The following RPUSD2 variants were observed in gnomAD, a reference collection of about 807,000 sequenced individuals.
RPUSD2 encodes the protein RNA pseudouridine synthase domain containing 2, also known as pseudouridylate synthase RPUSD2.
Under a neutral mutation model 41.5 loss-of-function variants are expected in RPUSD2, and 31 were observed. That is an observed-to-expected ratio of 0.75 (90% CI 0.56 to 1.01). The LOEUF is 1.01. Ranked by LOEUF, RPUSD2 falls within the 50% of genes least tolerant of loss-of-function variation. RPUSD2 has a pLI of 0.00. For synonymous variants in RPUSD2, 305 were observed against 289.7 expected, an observed-to-expected ratio of 1.05 and a Z score of -0.54; for missense variants, 749 against 724.7, an observed-to-expected ratio of 1.03 and a Z score of -0.38.
chr15:40,569,839 A>T lies in RPUSD2; in HGVS notation c.502A>T (p.Thr168Ser). The T allele has an allele frequency of 6.2e-7, 1 of 1,612,762 alleles. No individual in the cohort carries two copies. The highest frequency in any genetic ancestry group is 8.5e-7 in the Non-Finnish European group (1 of 1,179,610). ...VGHSLLHVFS[T>S]EFRAQPLAYY... ...CCACAGCTTGCTGCACGTCTTCAGTACCGAGTTCCGAGCTCAGCCCCTGGC... is the reference window on the plus strand; with the variant it reads ...CCACAGCTTGCTGCACGTCTTCAGTTCCGAGTTCCGAGCTCAGCCCCTGGC... Residue 168 changes from threonine (T) to serine (S), a missense_variant, in exon 1 of 3, where the codon ACC (threonine) becomes TCC (serine). Coordinates refer to ENST00000315616, the MANE Select transcript of RPUSD2 (RefSeq NM_152260.3).
In RPUSD2 at chr15:40,573,578, G is replaced by C. The variant is rs370352484; in HGVS notation, c.955G>C (p.Val319Leu). The change falls in exon 3 of 3, where the codon GTG becomes CTG. Residue 319 changes from valine (V) to leucine (L), a missense_variant. By Grantham distance (32) the Val-to-Leu change is conservative. Transcript: ENST00000315616. ...RVEGEFPTEE[V>L]TCKEPILVVS... ...GGAAGGGGAGTTCCCCACTGAGGAA[G>C]TGACCTGTAAAGAACCCATCTTAGT... The C allele has an allele frequency of 7.4e-6, 12 of 1,614,080 alleles. No individual in the cohort carries two copies. Among genetic ancestry groups the C allele is most frequent in the Non-Finnish European group, 9.3e-6 (11 of 1,180,026 alleles).
Position 40,573,779 on chromosome 15 carries a change from G to A in RPUSD2, c.1156G>A (p.Asp386Asn), listed in dbSNP as rs776524916. 3.7e-6 allele frequency: 6 copies of A among 1,614,068 alleles called. No homozygotes were observed. Among genetic ancestry groups the A allele is most frequent in the Non-Finnish European group, 5.1e-6 (6 of 1,180,048 alleles). Residue 386 changes from aspartate to asparagine, a missense_variant, in exon 3 of 3, where the codon GAC (aspartate) becomes AAC (asparagine). Coordinates refer to ENST00000315616, the MANE Select transcript of RPUSD2 (RefSeq NM_152260.3). ...GTTCTTGGGCCATCCCATTCTCAACGACCCCATCTACAACTCAGTTGCCTG... is the reference window on the plus strand; with the variant it reads ...GTTCTTGGGCCATCCCATTCTCAACAACCCCATCTACAACTCAGTTGCCTG... Reference protein sequence around the residue: ...LQFLGHPILNDPIYNSVAWGP... With the variant: ...LQFLGHPILNNPIYNSVAWGP...
Position 40,571,941 on chromosome 15 carries a change from T to A in RPUSD2, c.903+41T>A, listed in dbSNP as rs775969889. 22 of 1,584,190 alleles carry A rather than the reference T, an allele frequency of 1.4e-5. No homozygotes were observed. The South Asian group carries it at 2.4e-4, about 17-fold the overall frequency. On this transcript the variant is annotated intron_variant, in intron 2 of 2. Transcript: ENST00000315616. ...GTCTCCTACAGGCCACTTCTTGGGC[T>A]CACGAATGCTCTGTGTCAAAAGGGC...
In RPUSD2 at chr15:40,574,209, A is replaced by G. The variant is rs1891209117; in HGVS notation, c.1586A>G (p.Glu529Gly). 1 of 1,613,366 alleles carries G rather than the reference A, an allele frequency of 6.2e-7. No homozygotes were observed. The highest frequency in any genetic ancestry group is 1.3e-5 in the African/African-American group (1 of 74,896). Residue 529 changes from glutamate to glycine, a missense_variant, in exon 3 of 3, where the codon GAG becomes GGG. Glu to Gly is a moderately conservative substitution (Grantham distance 98). Coordinates refer to ENST00000315616, the MANE Select transcript of RPUSD2 (RefSeq NM_152260.3). Reference sequence around the variant, plus strand: ...CTACGCTATAAAGGGCCAGGCTTTGAGTACTTTTCACCAATGCCTGCCTGG... The same window carrying G: ...CTACGCTATAAAGGGCCAGGCTTTGGGTACTTTTCACCAATGCCTGCCTGG... ...HALRYKGPGF[E>G]YFSPMPAWAQ... is the part of the protein sequence containing the mutation.
chr15:40,573,498 T>A, intron 2 of RPUSD2, 29 bp from the exon 3 acceptor site: 1 of 1,586,604 alleles, frequency 6.3e-7, no homozygotes. Flanking sequence ...GGCTTTGTAC[T>A]GACTTTCTCC....
At chr15:40,572,661 G>A (rs1396054008) in intron 2 of RPUSD2, among the ~76,000 whole-genome samples, 2 of 152,176 alleles carry the variant, frequency 1.3e-5, no homozygotes, top group African/African-American at 2.4e-5. Context: ...GGCCATGGGA[G>A]GTTGAGGCTG....
In RPUSD2 at chr15:40,573,980, G is replaced by A. The variant is rs780719458; in HGVS notation, c.1357G>A (p.Asp453Asn). The A allele has an allele frequency of 8.1e-6, 13 of 1,614,082 alleles. No individual in the cohort carries two copies. The highest frequency in any genetic ancestry group is 1.3e-5 in the African/African-American group (1 of 75,032). ...TAPSSELGKD[D>N]LEELAAAAQK... ...CCCCTCCTCAGAGTTGGGCAAGGACGACCTGGAAGAGTTGGCTGCAGCTGC... is the reference window on the plus strand; with the variant it reads ...CCCCTCCTCAGAGTTGGGCAAGGACAACCTGGAAGAGTTGGCTGCAGCTGC... Residue 453 changes from aspartate to asparagine, a missense_variant, in exon 3 of 3, where the codon GAC becomes AAC. By Grantham distance (23) the Asp-to-Asn change is conservative (BLOSUM62 1). Coordinates refer to ENST00000315616, the MANE Select transcript of RPUSD2 (RefSeq NM_152260.3).
In RPUSD2 at chr15:40,574,692, TA is replaced by T. The variant is rs55983444; in HGVS notation, c.*445del. The T allele has an allele frequency of 5.7e-3, 837 of 145,756 alleles. No individual in the cohort carries two copies. The highest frequency in any genetic ancestry group is 7.6e-3 in the South Asian group (35 of 4,618). The allele number at this position is 145,756 out of a possible 1,614,324, so 9.0% of individuals were successfully genotyped here. ...GGTGACAGAGTGAGACCCTGTCTCT[TA>T]AAAAAAAAAAAAATTAACCAATTTA... On this transcript the variant is annotated 3_prime_UTR_variant, in exon 3 of 3. Coordinates refer to ENST00000315616, the MANE Select transcript of RPUSD2 (RefSeq NM_152260.3).
At chr15:40,571,043 C>T (rs891987074) in intron 1 of RPUSD2, among the ~76,000 whole-genome samples, 1 of 151,022 alleles carries the variant, frequency 6.6e-6, no homozygotes, top group African/African-American at 2.4e-5. Flanking sequence ...CCCAGGCTGG[C>T]GTGTAGTGGC....
chr15:40,569,888 C>T lies in RPUSD2; in HGVS notation c.551C>T (p.Ala184Val), dbSNP rs1482979103. ...GCCTACTATGAGGCCGCGGTCCGGG[C>T]GGGCCGCCTGCAACTCAACGAGAAG... is the stretch of plus-strand genomic sequence containing the variant. ...PLAYYEAAVRAGRLQLNEKPV... is the reference protein window; with the variant it reads ...PLAYYEAAVRVGRLQLNEKPV... Residue 184 changes from alanine (A) to valine (V), a missense_variant, in exon 1 of 3, where the codon GCG (alanine) becomes GTG (valine). Coordinates refer to ENST00000315616, the MANE Select transcript of RPUSD2 (RefSeq NM_152260.3). The T allele has an allele frequency of 2.5e-6, 4 of 1,583,390 alleles. No individual in the cohort carries two copies. Among genetic ancestry groups the T allele is most frequent in the African/African-American group, 2.7e-5 (2 of 74,652 alleles).
In RPUSD2 at chr15:40,571,589, CTA is replaced by C; in HGVS notation, c.607-13_607-12del. ...TGCGGTCCCTAGGCTGACTTATTAC[CTA>C]TGTCTTTGACAGGACAATGATTTCT... On this transcript the variant is annotated splice_polypyrimidine_tract_variant and intron_variant, in intron 1 of 2. Coordinates refer to ENST00000315616, the MANE Select transcript of RPUSD2 (RefSeq NM_152260.3). 6.2e-7 allele frequency: 1 copy of C among 1,612,522 alleles called. No homozygotes were observed. The highest frequency in any genetic ancestry group is 1.1e-5 in the South Asian group (1 of 91,018).
chr15:40,570,434 G>A (rs938516397), intron 1 of RPUSD2, among the ~76,000 whole-genome samples: 10 of 152,194 alleles, frequency 6.6e-5, no homozygotes, highest in Admixed American at 2.6e-4. Context: ...GAAACTCACA[G>A]GGGTAAGGCT....
In RPUSD2 at chr15:40,569,378, A is replaced by C. The variant is rs200122256; in HGVS notation, c.41A>C (p.His14Pro). 6.6e-7 allele frequency: 1 copy of C among 1,516,072 alleles called. No homozygotes were observed. Among genetic ancestry groups the C allele is most frequent in the Non-Finnish European group, 8.8e-7 (1 of 1,137,722 alleles). The allele number at this position is 1,516,072 out of a possible 1,614,324, so 93.9% of individuals were successfully genotyped here. A position where few individuals can be genotyped will look rare whatever the true frequency, so the allele number is the denominator to read the frequency against. ...DRRGWLRVLG[H>P]WRYDLRRPSF... is the part of the protein sequence containing the mutation. ...CGCGGATGGCTCAGGGTTCTTGGAC[A>C]TTGGCGCTACGACCTTAGGCGCCCT... Residue 14 changes from histidine to proline, a missense_variant, in exon 1 of 3, where the codon CAT becomes CCT. Physicochemically the swap from His to Pro is moderately conservative, Grantham distance 77. Transcript: ENST00000315616.
Position 40,569,709 on chromosome 15 carries a change from A to G in RPUSD2, c.372A>G (p.Gly124=), listed in dbSNP as rs764024058. ...PKKRRTGVSF[G]DEHFAETSYY... ...AGCGGCGGACCGGGGTGAGCTTCGG[A>G]GATGAGCACTTTGCAGAAACCAGTT... The change falls in exon 1 of 3, where the codon GGA becomes GGG. Residue 124 remains glycine (G), a synonymous_variant. Coordinates refer to ENST00000315616, the MANE Select transcript of RPUSD2 (RefSeq NM_152260.3). 4.4e-6 allele frequency: 7 copies of G among 1,583,914 alleles called. No homozygotes were observed. The highest frequency in any genetic ancestry group is 6.0e-6 in the Non-Finnish European group (7 of 1,164,290).
chr15:40,572,697 G>A (rs1270787707), intron 2 of RPUSD2, among the ~76,000 whole-genome samples: 6 of 152,116 alleles, frequency 3.9e-5, no homozygotes, highest in South Asian at 2.1e-4. Context: ...ATGTCACTGC[G>A]TTCCAGCCTG....
Position 40,571,896 on chromosome 15 carries a change from G to C in RPUSD2, c.899G>C (p.Arg300Pro). ...AGAATTCACGAGCAGGTTCGGGACC[G>C]GCAGGTGAGTCAGGCTTTTGTCTCC... ...SERIHEQVRD[R>P]QLEKEYVCRV... Residue 300 changes from arginine to proline, a missense_variant, in exon 2 of 3, where the codon CGG becomes CCG. By Grantham distance (103) the Arg-to-Pro change is moderately radical. Coordinates refer to ENST00000315616, the MANE Select transcript of RPUSD2 (RefSeq NM_152260.3). 4 of 1,612,698 alleles carry C rather than the reference G, an allele frequency of 2.5e-6. No individual in the cohort carries two copies. The highest frequency in any genetic ancestry group is 2.2e-5 in the East Asian group (1 of 44,844).
chr15:40,573,020 C>CTTTTTTTTTTTTTTTT (rs398026953), intron 2 of RPUSD2, among the ~76,000 whole-genome samples: 8 of 96,782 alleles, frequency 8.3e-5, no homozygotes, highest in African/African-American at 1.6e-4. Context: ...CTTTTCTTTT[C>CTTTTTTTTTTTTTTTT]TTTTTTTTTT....
At chr15:40,570,437 G>T (rs1330531231) in intron 1 of RPUSD2, among the ~76,000 whole-genome samples, 2 of 152,188 alleles carry the variant, frequency 1.3e-5, no homozygotes, top group Admixed American at 1.3e-4. Context: ...ACTCACAGGG[G>T]TAAGGCTATC....
intron 1 of RPUSD2, 126 bp downstream of exon 1, chr15:40,570,069 C>A (rs1595900461): frequency 7.8e-7 from 1 of 1,281,880 alleles, no homozygotes; most frequent in Non-Finnish European, 1.0e-6. Flanking sequence ...AATTCTAAAG[C>A]GTTCTCGCTT....
Sources: allele counts gnomAD v4.1 joint callset (sites outside exome capture counted in the v4.1 genomes callset), GRCh38; gene constraint gnomAD v4.1.1; transcripts MANE v1.5; gene names NCBI Gene and HGNC (gene_info 2026-07-23, HGNC 2026-07-21).